The following PLAAT3 variants were observed in gnomAD, a reference collection of about 807,000 sequenced individuals.
PLAAT3 encodes the protein Ca-independent phospholipase A1/2.
A neutral mutation model predicts 16.7 loss-of-function variants in PLAAT3; 21 were observed. The observed-to-expected ratio is 1.26, with a 90% confidence interval of 0.89 to 1.81. The LOEUF is 1.81. Among genes scored for constraint, PLAAT3 ranks in the 40% most tolerant of loss-of-function variants. The probability of loss-of-function intolerance (pLI) is 0.00; values close to 1 mark genes in which losing one functional copy is unlikely to be tolerated. For missense variants in PLAAT3, 219 were observed against 213.7 expected (o/e 1.02, Z -0.16); for synonymous variants, 76 against 81.7 (o/e 0.93, Z 0.38).
chr11:63,595,954 T>C (rs967224622), intron 3 of PLAAT3, among the ~76,000 whole-genome samples: 1 of 152,016 alleles, frequency 6.6e-6, no homozygotes, highest in Admixed American at 6.6e-5. Flanking sequence ...GAGTTGAGTG[T>C]GTTGCGGCCG....
rs373260319 is a variant in PLAAT3 at position 63,614,060 on chromosome 11, C to G, written c.-46G>C. On this transcript the variant is annotated 5_prime_UTR_variant, in exon 2 of 5. Transcript: ENST00000415826. Reference sequence around the variant, plus strand: ...CTCAAGGCCAGGCTCGATTTCGCTGCGTAGATGTCTGAGGCAGGGGGAGCA... The same window carrying G: ...CTCAAGGCCAGGCTCGATTTCGCTGGGTAGATGTCTGAGGCAGGGGGAGCA... 23 of 1,613,312 alleles carry G rather than the reference C, an allele frequency of 1.4e-5. No homozygotes were observed. Among genetic ancestry groups the G allele is most frequent in the African/African-American group, 4.0e-5 (3 of 74,904 alleles).
At chr11:63,593,003 C>T (rs563947943) in intron 3 of PLAAT3, among the ~76,000 whole-genome samples, 1 of 152,120 alleles carries the variant, frequency 6.6e-6, no homozygotes, top group Non-Finnish European at 1.5e-5. Context: ...TGTGACACAC[C>T]TGTCCACCTG....
At chr11:63,615,323 T>A (rs541635481), upstream of PLAAT3, among the ~76,000 whole-genome samples, 109 of 15,860 alleles carry the variant, frequency 6.9e-3, 13 homozygotes, top group African/African-American at 9.9e-3. Flanking sequence ...TGTATATATG[T>A]GTGTATATAT....
At chr11:63,606,914 T>G (rs1938581872) in intron 2 of PLAAT3, among the ~76,000 whole-genome samples, 1 of 152,134 alleles carries the variant, frequency 6.6e-6, no homozygotes. Flanking sequence ...CCCAGGAGAC[T>G]CAGGATCCAA....
At chr11:63,596,768 A>T (rs1302713940) in intron 3 of PLAAT3, among the ~76,000 whole-genome samples, 1 of 152,096 alleles carries the variant, frequency 6.6e-6, no homozygotes, top group African/African-American at 2.4e-5. Context: ...TGTTCTCATG[A>T]TAATGAGTGA....
At position 63,575,062 on chromosome 11, in the gene PLAAT3, G is replaced by A. The variant is rs1353254965; in HGVS notation, c.388-16C>T. On this transcript the variant is annotated splice_polypyrimidine_tract_variant and intron_variant, in intron 4 of 4. Transcript: ENST00000415826. ...CATCTCTGACCTGCAACAAAGAAGA[G>A]GGTGGGTCACACTCTGTGTCAGGAT... is the stretch of plus-strand genomic sequence containing the variant. 16 of 1,554,632 alleles carry A rather than the reference G, an allele frequency of 1.0e-5. No homozygotes were observed. Among genetic ancestry groups the A allele is most frequent in the Admixed American group, 8.3e-5 (5 of 59,912 alleles).
intron 4 of PLAAT3, among the ~76,000 whole-genome samples, chr11:63,577,793 A>G (rs1424425848): frequency 6.6e-6 from 1 of 152,178 alleles, no homozygotes; most frequent in African/African-American, 2.4e-5. Flanking sequence ...AGCATATTGT[A>G]TCCAATAAAT....
At chr11:63,580,760 C>T (rs1022248045) in intron 4 of PLAAT3, among the ~76,000 whole-genome samples, 1 of 152,156 alleles carries the variant, frequency 6.6e-6, no homozygotes, top group African/African-American at 2.4e-5. Context: ...GAGTTAGTGT[C>T]ACAATGATGC....
intron 3 of PLAAT3, among the ~76,000 whole-genome samples, chr11:63,591,682 C>T (rs1461448441): frequency 6.6e-6 from 1 of 152,178 alleles, no homozygotes; most frequent in Non-Finnish European, 1.5e-5. Flanking sequence ...ACATGCAATG[C>T]CAAGATATTA....
intron 2 of PLAAT3, among the ~76,000 whole-genome samples, chr11:63,601,141 G>A (rs1416823184): frequency 2.8e-5 from 4 of 141,380 alleles, no homozygotes; most frequent in Non-Finnish European, 6.1e-5. Flanking sequence ...TGCAAGCTCC[G>A]CTTCCCGGGT....
At chr11:63,606,899 T>C (rs988845465) in intron 2 of PLAAT3, among the ~76,000 whole-genome samples, 2 of 152,146 alleles carry the variant, frequency 1.3e-5, no homozygotes, top group Non-Finnish European at 2.9e-5. Flanking sequence ...CTGCCAAGTT[T>C]AGAACCCAGG....
At chr11:63,615,102 A>ATATATGTGTG (rs1565259668), upstream of PLAAT3, among the ~76,000 whole-genome samples, 1 of 69,820 alleles carries the variant, frequency 1.4e-5, no homozygotes, top group African/African-American at 5.3e-5. Context: ...ATATATGTGT[A>ATATATGTGTG]TATATGTGTG....
At chr11:63,576,238 A>G (rs1275917532) in intron 4 of PLAAT3, among the ~76,000 whole-genome samples, 1 of 151,992 alleles carries the variant, frequency 6.6e-6, no homozygotes, top group Non-Finnish European at 1.5e-5. Flanking sequence ...CACTGCCCCT[A>G]CACCCACCCC....
chr11:63,592,538 A>C (rs1432042396), intron 3 of PLAAT3, among the ~76,000 whole-genome samples: 1 of 152,224 alleles, frequency 6.6e-6, no homozygotes, highest in Non-Finnish European at 1.5e-5. Context: ...AATCACAGAA[A>C]GAGCATGTGG....
chr11:63,611,877 G>A (rs7111905), intron 2 of PLAAT3, among the ~76,000 whole-genome samples: 65,964 of 152,084 alleles, frequency 0.43, 14,742 homozygotes, highest in East Asian at 0.59. Context: ...GGTGGCTCAC[G>A]CCTGTAATCC....
intron 2 of PLAAT3, among the ~76,000 whole-genome samples, chr11:63,609,079 TCA>T (rs1451619425): frequency 6.6e-6 from 1 of 152,170 alleles, no homozygotes; most frequent in East Asian, 1.9e-4. Context: ...TTTGGAAAGG[TCA>T]CAGACCGCTC....
At chr11:63,605,131 C>A (rs1467172455) in intron 2 of PLAAT3, among the ~76,000 whole-genome samples, 1 of 152,102 alleles carries the variant, frequency 6.6e-6, no homozygotes, top group Non-Finnish European at 1.5e-5. Flanking sequence ...CAGTGGCTCA[C>A]GCCTTGTAAT....
intron 2 of PLAAT3, among the ~76,000 whole-genome samples, chr11:63,609,749 A>G (rs1385805609): frequency 2.0e-5 from 3 of 152,134 alleles, no homozygotes. Context: ...GGGGAAAGAT[A>G]CTGGCAGCTC....
At chr11:63,616,075 T>C (rs1938865873), upstream of PLAAT3, among the ~76,000 whole-genome samples, 1 of 152,218 alleles carries the variant, frequency 6.6e-6, no homozygotes, top group South Asian at 2.1e-4. Flanking sequence ...AATTAACATA[T>C]GCATTACCTC....
Sources: gnomAD v4.1 joint callset for allele counts (sites outside exome capture counted in the v4.1 genomes callset) on GRCh38, gnomAD v4.1.1 for gene constraint, MANE v1.5 for transcripts, NCBI Gene and HGNC (gene_info 2026-07-23, HGNC 2026-07-21) for gene names.